The following ANO4 variants were observed in gnomAD, a reference collection of about 807,000 sequenced individuals.
The protein encoded by ANO4 is anoctamin 4, also known as anoctamin-4.
ANO4 carries 69 observed loss-of-function variants against 141.9 expected under a neutral mutation model. The ratio of observed to expected loss-of-function variants is 0.49; its 90% CI spans 0.40 to 0.59. ANO4 has a LOEUF of 0.59. Among genes scored for constraint, ANO4 ranks in the 20% least tolerant of loss-of-function variants. The pLI is 0.00. For missense variants in ANO4, 894 were observed against 1,162.2 expected, an observed-to-expected ratio of 0.77 and a Z score of 3.36; for synonymous variants, 350 against 394.3, an observed-to-expected ratio of 0.89 and a Z score of 1.33.
intron 25 of ANO4, 33 bp from the exon 26 acceptor site, chr12:101,120,487 G>A: frequency 6.4e-7 from 1 of 1,562,420 alleles, no homozygotes; most frequent in Non-Finnish European, 8.8e-7. Flanking sequence ...AAAAATCATA[G>A]TTTGAATGCA....
chr12:100,732,615 T>C (rs2031426284), intron 1 of ANO4, among the ~76,000 whole-genome samples: 1 of 152,240 alleles, frequency 6.6e-6, no homozygotes, highest in Non-Finnish European at 1.5e-5. Flanking sequence ...TTTGGCGTTA[T>C]ATCTAAAACA....
chr12:100,910,911 G>A (rs1021234424), intron 2 of ANO4, among the ~76,000 whole-genome samples: 3 of 151,768 alleles, frequency 2.0e-5, no homozygotes, highest in Admixed American at 6.6e-5. Flanking sequence ...AAAACCTATG[G>A]CCCTTTCCAC....
intron 5 of ANO4, among the ~76,000 whole-genome samples, chr12:100,962,498 G>A (rs2043468677): frequency 6.6e-6 from 1 of 152,222 alleles, no homozygotes; most frequent in Admixed American, 6.5e-5. Context: ...CTGTGGGTCA[G>A]GAGTCTGGGT....
intron 26 of ANO4, among the ~76,000 whole-genome samples, chr12:101,121,460 C>T (rs2051089373): frequency 6.6e-6 from 1 of 152,176 alleles, no homozygotes; most frequent in African/African-American, 2.4e-5. Context: ...ATACATACCA[C>T]ATTTTCTCTA....
intron 8 of ANO4, among the ~76,000 whole-genome samples, chr12:101,014,530 A>G (rs1265650158): frequency 6.6e-6 from 1 of 152,168 alleles, no homozygotes; most frequent in Non-Finnish European, 1.5e-5. Flanking sequence ...AGCCCTTCAC[A>G]CACATGCACA....
intron 1 of ANO4, among the ~76,000 whole-genome samples, chr12:100,874,463 C>T (rs559144177): frequency 2.0e-5 from 3 of 152,264 alleles, no homozygotes; most frequent in Non-Finnish European, 4.4e-5. Flanking sequence ...ATCAGGTGGC[C>T]AGGATATGAG....
chr12:101,085,511 G>A (rs2049455241), intron 16 of ANO4, among the ~76,000 whole-genome samples: 1 of 152,124 alleles, frequency 6.6e-6, no homozygotes, highest in Admixed American at 6.5e-5. Context: ...ATGATTTAAA[G>A]TATATAGGAG....
chr12:100,890,117 C>A (rs1238214910), intron 1 of ANO4, among the ~76,000 whole-genome samples: 1 of 152,044 alleles, frequency 6.6e-6, no homozygotes, highest in Non-Finnish European at 1.5e-5. Context: ...GTATGTCAGG[C>A]ACCATGCTGT....
At chr12:101,021,686 C>A (rs543376643) in intron 9 of ANO4, among the ~76,000 whole-genome samples, 1 of 152,198 alleles carries the variant, frequency 6.6e-6, no homozygotes, top group South Asian at 2.1e-4. Context: ...TTTGCGTTGA[C>A]CATTTCTAAT....
At chr12:100,928,925 A>T (rs2041981032) in intron 3 of ANO4, among the ~76,000 whole-genome samples, 1 of 152,118 alleles carries the variant, frequency 6.6e-6, no homozygotes, top group South Asian at 2.1e-4. Flanking sequence ...TGTTTTATAA[A>T]CATTGCCATT....
At chr12:100,988,225 G>C (rs1592936220) in intron 8 of ANO4, among the ~76,000 whole-genome samples, 1 of 152,098 alleles carries the variant, frequency 6.6e-6, no homozygotes, top group Non-Finnish European at 1.5e-5. Context: ...CTTTTGACAT[G>C]GGGGGAGGAA....
chr12:100,785,178 C>T (rs1174318407), intron 3 of ANO4, among the ~76,000 whole-genome samples: 1 of 152,108 alleles, frequency 6.6e-6, no homozygotes, highest in Admixed American at 6.6e-5. Flanking sequence ...GCATAGCTCC[C>T]CCAACTACCA....
intron 3 of ANO4, among the ~76,000 whole-genome samples, chr12:100,743,208 A>G (rs775707652): frequency 8.6e-5 from 13 of 151,728 alleles, no homozygotes; most frequent in Non-Finnish European, 1.3e-4. Context: ...GTGATCACAT[A>G]TGTTTTTGTT....
intron 3 of ANO4, among the ~76,000 whole-genome samples, chr12:100,777,636 A>C (rs2033569333): frequency 6.6e-6 from 1 of 152,158 alleles, no homozygotes; most frequent in South Asian, 2.1e-4. Context: ...TTGTATATAA[A>C]ATATGGCAAT....
upstream of ANO4, among the ~76,000 whole-genome samples, chr12:100,793,057 G>C (rs189400748): frequency 1.3e-5 from 2 of 152,294 alleles, no homozygotes; most frequent in East Asian, 3.9e-4. Flanking sequence ...CATTAAAATA[G>C]TAGAACATTT....
At chr12:100,901,938 T>A in intron 2 of ANO4, 98 bp downstream of exon 2, 1 of 1,223,216 alleles carries the variant, frequency 8.2e-7, no homozygotes, top group East Asian at 2.4e-5. Context: ...TACTTTCAGC[T>A]AAGCTTGCTT....
At chr12:100,998,850 A>G (rs11611417) in intron 8 of ANO4, among the ~76,000 whole-genome samples, 30,593 of 152,214 alleles carry the variant, frequency 0.2, 3,334 homozygotes, top group Non-Finnish European at 0.24. Flanking sequence ...TATGAAATTT[A>G]TTATAGGAAT....
intron 1 of ANO4, among the ~76,000 whole-genome samples, chr12:100,849,718 C>T (rs965959970): frequency 6.6e-6 from 1 of 152,048 alleles, no homozygotes; most frequent in Non-Finnish European, 1.5e-5. Context: ...TGTCATTTTG[C>T]GCATGCACAT....
At chr12:100,990,169 G>A (rs976268124) in intron 8 of ANO4, among the ~76,000 whole-genome samples, 13 of 147,338 alleles carry the variant, frequency 8.8e-5, no homozygotes, top group Non-Finnish European at 2.0e-4. Context: ...TAGGTAAATG[G>A]AAGAAAAAAA....
Sources: allele counts gnomAD v4.1 joint callset (sites outside exome capture counted in the v4.1 genomes callset), GRCh38; gene constraint gnomAD v4.1.1; transcripts MANE v1.5; gene names NCBI Gene and HGNC (gene_info 2026-07-23, HGNC 2026-07-21).